IL7: variants seen among roughly 807,000 people sequenced by gnomAD.
IL7 encodes the protein interleukin-7.
Under a neutral mutation model 21.6 loss-of-function variants are expected in IL7, and 3 were observed. That is an observed-to-expected ratio of 0.14 (90% CI 0.06 to 0.36). IL7 has a LOEUF of 0.36. Ranked by LOEUF, IL7 falls within the 10% of genes least tolerant of loss-of-function variation. The pLI is 1.00. For missense variants in IL7, 175 were observed against 200.2 expected (o/e 0.87, Z 0.76); for synonymous variants, 62 against 68.1 (o/e 0.91, Z 0.44).
At chr8:78,676,815 CA>C (rs954471923) in intron 4 of IL7, among the ~76,000 whole-genome samples, 11 of 149,976 alleles carry the variant, frequency 7.3e-5, no homozygotes, top group Admixed American at 2.7e-4. Context: ...AATTTCACAG[CA>C]AAAAAAAAGT....
At chr8:78,696,912 A>G (rs2130539175) in intron 3 of IL7, among the ~76,000 whole-genome samples, 1 of 152,280 alleles carries the variant, frequency 6.6e-6, no homozygotes, top group East Asian at 1.9e-4. Flanking sequence ...TTTTCTACTA[A>G]TGTTTGTTTG....
At chr8:78,710,731 A>G (rs560618379) in intron 3 of IL7, among the ~76,000 whole-genome samples, 2 of 152,180 alleles carry the variant, frequency 1.3e-5, no homozygotes, top group Admixed American at 6.5e-5. Flanking sequence ...TTGTACTTTA[A>G]CAAATTAAAA....
At chr8:78,767,824 GGTTA>G (rs1412211940) in intron 2 of IL7, among the ~76,000 whole-genome samples, 1 of 151,898 alleles carries the variant, frequency 6.6e-6, no homozygotes, top group African/African-American at 2.4e-5. Flanking sequence ...ACAATGTGCA[GGTTA>G]GTTACATAAG....
intron 2 of IL7, chr8:78,747,163 G>A (rs986207255): frequency 4.6e-6 from 2 of 433,300 alleles, no homozygotes; most frequent in African/African-American, 2.1e-5. Flanking sequence ...AATAAAGTTG[G>A]TCCCTATAGA....
At chr8:78,675,837 G>A in exon 5 of IL7, 1 of 1,611,132 alleles carries the variant, frequency 6.2e-7, no homozygotes, top group Non-Finnish European at 8.5e-7. Flanking sequence ...CAAGATTTGT[G>A]GAAGAACATT....
intron 2 of IL7, among the ~76,000 whole-genome samples, chr8:78,790,911 A>G (rs1813668382): frequency 6.6e-6 from 1 of 150,600 alleles, no homozygotes; most frequent in African/African-American, 2.5e-5. Context: ...TGCATGAACC[A>G]AAACAATCTC....
At chr8:78,745,600 T>A (rs775079723) in intron 2 of IL7, among the ~76,000 whole-genome samples, 1 of 152,246 alleles carries the variant, frequency 6.6e-6, no homozygotes, top group African/African-American at 2.4e-5. Flanking sequence ...TGTTAATTCA[T>A]TTGTTCATTT....
chr8:78,763,989 A>G (rs1161952463), intron 2 of IL7, among the ~76,000 whole-genome samples: 2 of 152,182 alleles, frequency 1.3e-5, no homozygotes, highest in African/African-American at 4.8e-5. Context: ...AGCACTTATC[A>G]TCTACACCAC....
At chr8:78,702,455 A>G (rs1450128365) in intron 3 of IL7, among the ~76,000 whole-genome samples, 1 of 152,056 alleles carries the variant, frequency 6.6e-6, no homozygotes, top group Non-Finnish European at 1.5e-5. Flanking sequence ...TTTTTCATGT[A>G]TCTTCTTCAG....
At chr8:78,718,893 G>C (rs1402999666) in intron 6 of IL7, 3 of 150,842 alleles carry the variant, frequency 2.0e-5, no homozygotes, top group African/African-American at 7.3e-5. Flanking sequence ...TTATGATTCT[G>C]ATCAACTATA....
chr8:78,788,752 G>T (rs1813593109), intron 2 of IL7, among the ~76,000 whole-genome samples: 1 of 152,128 alleles, frequency 6.6e-6, no homozygotes. Flanking sequence ...TTGATTTATG[G>T]TGCTTTCAAG....
intron 5 of IL7, among the ~76,000 whole-genome samples, chr8:78,735,533 C>T (rs931736134): frequency 1.3e-5 from 2 of 152,000 alleles, no homozygotes; most frequent in African/African-American, 4.8e-5. Context: ...TGGTCTTGAT[C>T]TTTCCACCTT....
At chr8:78,675,593 T>A (rs552928303), downstream of IL7, 102 of 518,132 alleles carry the variant, frequency 2.0e-4, 1 homozygote, top group East Asian at 3.0e-3. Context: ...TCCATATTTA[T>A]CCTGACCTTT....
chr8:78,729,777 A>G (rs181604640), downstream of IL7, among the ~76,000 whole-genome samples: 117 of 152,150 alleles, frequency 7.7e-4, no homozygotes, highest in African/African-American at 2.7e-3. Flanking sequence ...TTTTTATAAG[A>G]TTGTCTTTCC....
At chr8:78,771,102 G>C (rs1812934046) in intron 2 of IL7, among the ~76,000 whole-genome samples, 1 of 152,040 alleles carries the variant, frequency 6.6e-6, no homozygotes, top group Non-Finnish European at 1.5e-5. Context: ...GTGGAGAGGG[G>C]ACAGATCTTA....
intron 5 of IL7, among the ~76,000 whole-genome samples, chr8:78,735,376 G>A (rs140155874): frequency 0.026 from 3,888 of 148,576 alleles, 89 homozygotes; most frequent in South Asian, 0.057. Context: ...GTAGTGGCGC[G>A]ATCTCGGCTC....
At chr8:78,769,523 T>C (rs1586088006) in intron 2 of IL7, among the ~76,000 whole-genome samples, 1 of 151,976 alleles carries the variant, frequency 6.6e-6, no homozygotes, top group South Asian at 2.1e-4. Context: ...CACTGCTCAA[T>C]GAAATAAAAG....
chr8:78,696,100 T>TCTCG (rs1444100219), intron 3 of IL7, among the ~76,000 whole-genome samples: 1 of 152,112 alleles, frequency 6.6e-6, no homozygotes, highest in Non-Finnish European at 1.5e-5. Flanking sequence ...AGTGGCGTGA[T>TCTCG]CTCGGCTCAC....
rs1271745389 is a variant in IL7, at chr8:78,687,862, ATC to A, written n.215-1917_215-1916del. ...TTATATATATATTTATATAATATAT[ATC>A]TATATAATAAATATATATTTATATA... is the stretch of plus-strand genomic sequence containing the variant. On this transcript the variant is annotated intron_variant and non_coding_transcript_variant, in intron 3 of 4. Transcript: ENST00000523959. Among the ~76,000 whole-genome samples, 16 of 34,204 alleles carry A rather than the reference ATC, an allele frequency of 4.7e-4. No individual in the cohort carries two copies. In the East Asian group the frequency reaches 5.6e-3, roughly 12 times the overall value. 22.4% of individuals were successfully genotyped at this position (34,204 alleles called of 152,430 possible). A position where few individuals can be genotyped will look rare whatever the true frequency, so the allele number is the denominator to read the frequency against.
Sources: allele counts gnomAD v4.1 joint callset (sites outside exome capture counted in the v4.1 genomes callset), GRCh38; gene constraint gnomAD v4.1.1; transcripts MANE v1.5; gene names NCBI Gene and HGNC (gene_info 2026-07-23, HGNC 2026-07-21).